Variants in PPP6C observed in about 807,000 individuals in gnomAD.
PPP6C encodes the protein serine/threonine-protein phosphatase 6 catalytic subunit.
A neutral mutation model predicts 39.8 loss-of-function variants in PPP6C; 11 were observed. That is an observed-to-expected ratio of 0.28 (90% CI 0.17 to 0.46). The LOEUF (loss-of-function observed/expected upper bound fraction) is 0.46. PPP6C is among the 20% of genes least tolerant of loss of function. PPP6C has a pLI of 1.00. For synonymous variants in PPP6C, 129 were observed against 130.3 expected (o/e 0.99, Z 0.07); for missense variants, 211 against 373.9 (o/e 0.56, Z 3.59).
chr9:125,149,533 T>C lies in PPP6C; in HGVS notation c.*140A>G. The C allele has an allele frequency of 1.9e-6, 2 of 1,046,572 alleles. No individual in the cohort carries two copies. Among genetic ancestry groups the C allele is most frequent in the Admixed American group, 2.8e-5 (1 of 35,234 alleles). 64.8% of individuals were successfully genotyped at this position (1,046,572 alleles called of 1,614,324 possible). The stretch of plus-strand genomic sequence containing the variant: ...CACAACAAACAATAAATTTAGATAA[T>C]TTAAAATTTAAAAAAAAAAAGGCAA... On this transcript the variant is annotated 3_prime_UTR_variant, in exon 7 of 7. Transcript: ENST00000373547.
chr9:125,182,763 T>A (rs752238677), intron 1 of PPP6C, among the ~76,000 whole-genome samples: 1 of 148,616 alleles, frequency 6.7e-6, no homozygotes, highest in African/African-American at 2.5e-5. Flanking sequence ...TAGATACCCA[T>A]AGTAACTTCC....
At chr9:125,179,224 A>T (rs1398804807) in intron 1 of PPP6C, among the ~76,000 whole-genome samples, 1 of 152,002 alleles carries the variant, frequency 6.6e-6, no homozygotes, top group African/African-American at 2.4e-5. Flanking sequence ...TCAAAAAAAA[A>T]AGAATTATCT....
intron 1 of PPP6C, among the ~76,000 whole-genome samples, chr9:125,177,667 C>A (rs1829332482): frequency 6.6e-6 from 1 of 152,148 alleles, no homozygotes. Context: ...GATGAGCATA[C>A]ACTGACATAT....
chr9:125,176,888 T>C (rs1292221629), intron 1 of PPP6C, among the ~76,000 whole-genome samples: 1 of 152,096 alleles, frequency 6.6e-6, no homozygotes, highest in African/African-American at 2.4e-5. Context: ...GGATACAGGG[T>C]GTTAAGAGAA....
chr9:125,149,585 T>C lies in PPP6C; in HGVS notation c.*88A>G. 1 of 1,383,646 alleles carries C rather than the reference T, an allele frequency of 7.2e-7. No homozygotes were observed. Among genetic ancestry groups the C allele is most frequent in the South Asian group, 1.7e-5 (1 of 60,212 alleles). The allele number at this position is 1,383,646 out of a possible 1,614,324, so 85.7% of individuals were successfully genotyped here. A position where few individuals can be genotyped will look rare whatever the true frequency, so the allele number is the denominator to read the frequency against. On this transcript the variant is annotated 3_prime_UTR_variant, in exon 7 of 7. Coordinates refer to ENST00000373547, the MANE Select transcript of PPP6C (RefSeq NM_002721.5). ...AGGCAGCATTTCAGCAGCAAAGTGC[T>C]CAATAAAAAGTATATTGTAGAGGGT...
chr9:125,184,485 A>AG (rs1829483636), intron 1 of PPP6C, among the ~76,000 whole-genome samples: 1 of 151,848 alleles, frequency 6.6e-6, no homozygotes, highest in Non-Finnish European at 1.5e-5. Flanking sequence ...TGAGCCCAGG[A>AG]GTTTGAGGTT....
intron 2 of PPP6C, among the ~76,000 whole-genome samples, chr9:125,170,127 A>C (rs930979427): frequency 1.3e-5 from 2 of 152,206 alleles, no homozygotes; most frequent in East Asian, 1.9e-4. Context: ...CTCTATGAGT[A>C]ATCTGTTCAG....
chr9:125,188,920 T>G (rs1343562403), intron 1 of PPP6C: 1 of 1,548,698 alleles, frequency 6.5e-7, no homozygotes, highest in Non-Finnish European at 8.7e-7. Context: ...GGAACTCACC[T>G]CCTTTAGAAA....
At chr9:125,176,176 G>A (rs928751278) in intron 1 of PPP6C, among the ~76,000 whole-genome samples, 7 of 152,202 alleles carry the variant, frequency 4.6e-5, no homozygotes, top group African/African-American at 1.7e-4. Flanking sequence ...GCATGCTTGT[G>A]TCTAAGAAAC....
intron 1 of PPP6C, among the ~76,000 whole-genome samples, chr9:125,171,561 T>G (rs930008500): frequency 4.1e-5 from 6 of 147,228 alleles, no homozygotes; most frequent in African/African-American, 9.9e-5. Context: ...TTTTTTTGTT[T>G]TTTTTTTTTT....
chr9:125,159,527 G>A (rs1564148702), intron 3 of PPP6C, among the ~76,000 whole-genome samples: 4 of 151,946 alleles, frequency 2.6e-5, no homozygotes, highest in Admixed American at 2.6e-4. Context: ...TTTATTTTAA[G>A]AATCATTTTA....
intron 1 of PPP6C, among the ~76,000 whole-genome samples, chr9:125,184,560 G>T (rs979243765): frequency 8.7e-6 from 1 of 115,172 alleles, no homozygotes; most frequent in Non-Finnish European, 1.9e-5. Context: ...CTACCTCAAA[G>T]AAAAAAAAAA....
rs971414702 is a variant in PPP6C at position 125,151,037 on chromosome 9, C to T, written c.670-1116G>A. The T allele has an allele frequency of 6.5e-6, 9 of 1,375,190 alleles. No homozygotes were observed. The Admixed American group carries it at 1.5e-4, about 23-fold the overall frequency. 85.2% of individuals were successfully genotyped at this position (1,375,190 alleles called of 1,614,324 possible). On this transcript the variant is annotated intron_variant, in intron 6 of 6. Transcript: ENST00000373547. ...ATTATCACCATGGACCTACATGCTTCTCAAATTCAGGGCTTTTTTGATAAC... is the reference window on the plus strand; with the variant it reads ...ATTATCACCATGGACCTACATGCTTTTCAAATTCAGGGCTTTTTTGATAAC...
At chr9:125,177,712 AG>A (rs1829333311) in intron 1 of PPP6C, among the ~76,000 whole-genome samples, 1 of 152,152 alleles carries the variant, frequency 6.6e-6, no homozygotes, top group Non-Finnish European at 1.5e-5. Flanking sequence ...TGTTTAAATT[AG>A]GGTCACTCCT....
chr9:125,170,846 T>A (rs765498329), intron 2 of PPP6C, among the ~76,000 whole-genome samples: 5 of 152,218 alleles, frequency 3.3e-5, no homozygotes, highest in African/African-American at 4.8e-5. Flanking sequence ...AGAAAACTAA[T>A]GCTGCATTAT....
chr9:125,153,778 A>G, intron 5 of PPP6C, 36 bp from the exon 6 acceptor site: 2 of 1,587,396 alleles, frequency 1.3e-6, no homozygotes, highest in Non-Finnish European at 1.7e-6. Flanking sequence ...TGAACATATA[A>G]CCTCAGGCAT....
chr9:125,180,056 G>A (rs1829390165), intron 1 of PPP6C, among the ~76,000 whole-genome samples: 2 of 152,078 alleles, frequency 1.3e-5, no homozygotes, highest in South Asian at 4.1e-4. Context: ...ATTCACAGTG[G>A]TGGCAACCAT....
rs1340886240 is a variant in PPP6C, at chr9:125,189,645, T to C, written c.74A>G (p.Lys25Arg). ...GGCGAGCCCGCAAATAGGGCTCACC[T>C]TCAGGTCGTTCTCTGGCAGGTACTT... ...LCKYLPENDL[K>R]RLCDYVCDLL... Residue 25 changes from lysine (K) to arginine (R), a missense_variant and splice_region_variant, in exon 1 of 7, where the codon AAG (lysine) becomes AGG (arginine). Coordinates refer to ENST00000373547, the MANE Select transcript of PPP6C (RefSeq NM_002721.5). 1.2e-6 allele frequency: 2 copies of C among 1,612,858 alleles called. No individual in the cohort carries two copies. The highest frequency in any genetic ancestry group is 1.7e-6 in the Non-Finnish European group (2 of 1,179,632).
At chr9:125,177,056 C>A (rs1829314463) in intron 1 of PPP6C, among the ~76,000 whole-genome samples, 1 of 152,080 alleles carries the variant, frequency 6.6e-6, no homozygotes, top group African/African-American at 2.4e-5. Context: ...GTTTTAGCTT[C>A]ACAGCAAAAT....
Sources: gnomAD v4.1 joint callset for allele counts (sites outside exome capture counted in the v4.1 genomes callset) on GRCh38, gnomAD v4.1.1 for gene constraint, MANE v1.5 for transcripts, NCBI Gene and HGNC (gene_info 2026-07-23, HGNC 2026-07-21) for gene names.